Variants in VPS13A observed in about 807,000 individuals in gnomAD.
The protein encoded by VPS13A is vacuolar protein sorting 13 homolog A, also known as intermembrane lipid transfer protein VPS13A.
In VPS13A, 264 loss-of-function variants were observed where a neutral mutation model predicts 390.9. The observed-to-expected ratio is 0.68, with a 90% CI of 0.61 to 0.75. The LOEUF is 0.75. VPS13A is among the 30% of genes least tolerant of loss of function. The probability of loss-of-function intolerance (pLI) is 0.00; values close to 1 mark genes in which losing one functional copy is unlikely to be tolerated. For synonymous variants in VPS13A, 1,231 were observed against 1,227.1 expected, an observed-to-expected ratio of 1.00 and a Z score of -0.07; for missense variants, 3,409 against 3,733.9, an observed-to-expected ratio of 0.91 and a Z score of 2.27.
intron 59 of VPS13A, among the ~76,000 whole-genome samples, chr9:77,361,179 A>G (rs767710694): frequency 1.3e-5 from 2 of 152,130 alleles, no homozygotes; most frequent in Non-Finnish European, 2.9e-5. Context: ...GGGTTCAATG[A>G]CTTTTAATGT....
chr9:77,262,611 G>A (rs1446697311), intron 23 of VPS13A, among the ~76,000 whole-genome samples: 2 of 151,930 alleles, frequency 1.3e-5, no homozygotes, highest in Non-Finnish European at 2.9e-5. Flanking sequence ...AGGCCCCAGT[G>A]TGTGATGTTC....
intron 19 of VPS13A, among the ~76,000 whole-genome samples, chr9:77,243,369 G>T (rs1376720940): frequency 6.6e-6 from 1 of 152,120 alleles, no homozygotes; most frequent in Non-Finnish European, 1.5e-5. Context: ...TCATGTTATT[G>T]TGGTGCTGAA....
intron 71 of VPS13A, among the ~76,000 whole-genome samples, chr9:77,411,742 C>G (rs1452480411): frequency 7.0e-6 from 1 of 143,066 alleles, no homozygotes; most frequent in African/African-American, 2.6e-5. Flanking sequence ...CAAGAAATGA[C>G]TAAGATCAGA....
At chr9:77,332,152 T>C in intron 46 of VPS13A, 39 bp downstream of exon 46, 3 of 1,495,826 alleles carry the variant, frequency 2.0e-6, no homozygotes, top group Non-Finnish European at 2.8e-6. Context: ...CTAAAATCTC[T>C]TGTAGAATTT....
At chr9:77,245,859 A>G (rs1824775244) in intron 19 of VPS13A, among the ~76,000 whole-genome samples, 1 of 152,232 alleles carries the variant, frequency 6.6e-6, no homozygotes. Flanking sequence ...AGGCTGTACA[A>G]GAAGCATGAC....
intron 59 of VPS13A, among the ~76,000 whole-genome samples, chr9:77,361,618 T>A (rs1832143188): frequency 6.6e-6 from 1 of 152,096 alleles, no homozygotes; most frequent in South Asian, 2.1e-4. Context: ...ACCATGTGAT[T>A]AAGCAATTCC....
At position 77,314,571 on chromosome 9, in the gene VPS13A, A is replaced by G; in HGVS notation, c.4319A>G (p.Lys1440Arg). 1 of 1,611,074 alleles carries G rather than the reference A, an allele frequency of 6.2e-7. No homozygotes were observed. The part of the protein sequence containing the change: ...FKLENIISTL[K>R]MYTDGSTFSS... ...TTGGAGAATATTATAAGTACTTTAA[A>G]AATGTATACAGATGGCTCAACATTT... Residue 1440 changes from lysine (K) to arginine (R), a missense_variant, in exon 37 of 72, where the codon AAA becomes AGA. By Grantham distance (26) the Lys-to-Arg change is conservative. Around this residue, in one of 5 missense-constraint regions of VPS13A, gnomAD observed 2,717 missense variants for 2,917.4 expected, o/e 0.93. Coordinates refer to ENST00000360280, the MANE Select transcript of VPS13A (RefSeq NM_033305.3).
chr9:77,293,383 G>C lies in VPS13A; in HGVS notation c.3382G>C (p.Val1128Leu), dbSNP rs752430464. 1 of 1,613,140 alleles carries C rather than the reference G, an allele frequency of 6.2e-7. No individual in the cohort carries two copies. The highest frequency in any genetic ancestry group is 1.7e-5 in the Admixed American group (1 of 59,942). The part of the protein sequence containing the change: ...TGKEVFSFKM[V>L]SYMDATAGSA... ...AAAAGAAGTTTTCAGCTTCAAAATG[G>C]TTTCTTACATGGATGCAACTGCTGG... is the stretch of plus-strand genomic sequence containing the variant. Residue 1128 changes from valine to leucine, a missense_variant, in exon 32 of 72, where the codon GTT (valine) becomes CTT (leucine). Physicochemically the swap from Val to Leu is conservative, Grantham distance 32. Transcript: ENST00000360280.
At chr9:77,285,963 T>A (rs1827299040) in intron 31 of VPS13A, among the ~76,000 whole-genome samples, 1 of 152,212 alleles carries the variant, frequency 6.6e-6, no homozygotes, top group African/African-American at 2.4e-5. Flanking sequence ...GTTTTCATGC[T>A]ATTTAACATG....
intron 9 of VPS13A, 104 bp downstream of exon 9, chr9:77,213,418 C>A: frequency 1.1e-6 from 1 of 932,186 alleles, no homozygotes; most frequent in Non-Finnish European, 1.7e-6. Flanking sequence ...TTTTCCTAGG[C>A]ACAATCTATT....
chr9:77,371,495 G>A (rs1832745145), intron 67 of VPS13A, among the ~76,000 whole-genome samples: 1 of 152,078 alleles, frequency 6.6e-6, no homozygotes, highest in South Asian at 2.1e-4. Context: ...ATGCATTCAT[G>A]GGGGCAGATC....
chr9:77,282,578 A>C (rs1296906598), intron 29 of VPS13A, among the ~76,000 whole-genome samples: 2 of 152,188 alleles, frequency 1.3e-5, no homozygotes, highest in African/African-American at 2.4e-5. Flanking sequence ...ATTAGATTTA[A>C]ATTAAAATTT....
intron 34 of VPS13A, among the ~76,000 whole-genome samples, chr9:77,306,378 G>T (rs996537813): frequency 2.0e-5 from 3 of 146,434 alleles, no homozygotes; most frequent in South Asian, 2.2e-4. Context: ...TTGTGTTAGG[G>T]TTCTCCAGAG....
At position 77,225,491 on chromosome 9, in the gene VPS13A, C is replaced by G. The variant is rs557748075; in HGVS notation, c.1162-435C>G. Reference sequence around the variant, plus strand: ...GAACTCCTGAGTTCAAGTGATTCGCCTGCCTCAGCCTCCCAGAGTGTTGGG... The same window carrying G: ...GAACTCCTGAGTTCAAGTGATTCGCGTGCCTCAGCCTCCCAGAGTGTTGGG... On this transcript the variant is annotated intron_variant, in intron 13 of 71. Transcript: ENST00000360280. Among the ~76,000 whole-genome samples the G allele has an allele frequency of 8.5e-5, 13 of 152,284 alleles. No individual in the cohort carries two copies. The South Asian group carries it at 2.5e-3, about 29-fold the overall frequency.
Position 77,407,538 on chromosome 9 carries a change from A to C in VPS13A, c.9405A>C (p.Arg3135=). 1 of 1,611,972 alleles carries C rather than the reference A, an allele frequency of 6.2e-7. No individual in the cohort carries two copies. Among genetic ancestry groups the C allele is most frequent in the Non-Finnish European group, 8.5e-7 (1 of 1,178,316 alleles). ...GRRLRIEAKE[R]VKSVFHAREF... Reference sequence around the variant, plus strand: ...TTTACATATTCTGTTTATAGGAACGAGTGAAGTCTGTATTTCATGCCAGAG... The same window carrying C: ...TTTACATATTCTGTTTATAGGAACGCGTGAAGTCTGTATTTCATGCCAGAG... The change falls in exon 71 of 72, where the codon CGA becomes CGC. Residue 3135 remains arginine (R), a synonymous_variant. Transcript: ENST00000360280.
chr9:77,290,805 T>G (rs1827608036), intron 31 of VPS13A, among the ~76,000 whole-genome samples: 1 of 152,212 alleles, frequency 6.6e-6, no homozygotes, highest in Admixed American at 6.5e-5. Context: ...TTTTCCATTT[T>G]CTCTGCTATA....
In VPS13A at chr9:77,253,552, G is replaced by A. The variant is rs542307296; in HGVS notation, c.2288+1200G>A. Among the ~76,000 whole-genome samples the A allele has an allele frequency of 2.6e-5, 4 of 152,206 alleles. No individual in the cohort carries two copies. The East Asian group carries it at 5.8e-4, about 22-fold the overall frequency. ...GATCTCCTGACCTTGTGATCCACCC[G>A]CCTCAGCCTCCCAAAGTGCTGGGAT... On this transcript the variant is annotated intron_variant, in intron 22 of 71. Transcript: ENST00000360280.
intron 49 of VPS13A, 51 bp from the exon 50 acceptor site, chr9:77,340,353 A>C: frequency 2.5e-6 from 4 of 1,602,770 alleles, no homozygotes; most frequent in Non-Finnish European, 3.4e-6. Context: ...ATTAAATTTT[A>C]TAAAGATGTT....
rs1213832654 is a variant in VPS13A at position 77,382,177 on chromosome 9, G to A, written c.9189+90G>A. 6.8e-6 allele frequency: 9 copies of A among 1,317,520 alleles called. No homozygotes were observed. In the African/African-American group the frequency reaches 1.2e-4, roughly 18 times the overall value. 81.6% of individuals were successfully genotyped at this position (1,317,520 alleles called of 1,614,324 possible). A position where few individuals can be genotyped will look rare whatever the true frequency, so the allele number is the denominator to read the frequency against. ...CATTTAATATATATTAAATTATTTGGGCTTTTATCTATTTTGCTTAATTCC... is the reference window on the plus strand; with the variant it reads ...CATTTAATATATATTAAATTATTTGAGCTTTTATCTATTTTGCTTAATTCC... On this transcript the variant is annotated intron_variant, in intron 68 of 71. Transcript: ENST00000360280.
Sources: gnomAD v4.1 joint callset for allele counts (sites outside exome capture counted in the v4.1 genomes callset) on GRCh38, gnomAD v4.1.1 for gene constraint, gnomAD v4.1.1 regional missense constraint, MANE v1.5 for transcripts, NCBI Gene and HGNC (gene_info 2026-07-23, HGNC 2026-07-21) for gene names.